Variants in CTR9 observed in about 807,000 individuals in gnomAD.
CTR9 encodes the protein CTR9 component of Paf1/RNA polymerase II complex.
CTR9 carries 41 observed loss-of-function variants against 152.1 expected under a neutral mutation model. That is an observed-to-expected ratio of 0.27 (90% CI 0.21 to 0.35). CTR9 has a LOEUF of 0.35. Ranked by LOEUF, CTR9 falls within the 10% of genes least tolerant of loss-of-function variation. The pLI is 1.00. For missense variants in CTR9, 917 were observed against 1,424.4 expected (o/e 0.64, Z 5.73); for synonymous variants, 476 against 496.2 (o/e 0.96, Z 0.54).
rs778439315 is a variant in CTR9 at position 10,763,511 on chromosome 11, T to C, written c.930T>C (p.Tyr310=). The part of the protein sequence containing the change: ...EVEAMQAESC[Y]QLARSFHVQE... The stretch of plus-strand genomic sequence containing the variant: ...AAGCTATGCAAGCAGAGAGCTGCTA[T>C]CAGCTAGCTAGATCATTCCATGTTC... Residue 310 remains tyrosine, a synonymous_variant, in exon 8 of 25, where the codon TAT becomes TAC. Transcript: ENST00000361367. 2 of 1,610,064 alleles carry C rather than the reference T, an allele frequency of 1.2e-6. No individual in the cohort carries two copies. Among genetic ancestry groups the C allele is most frequent in the Admixed American group, 3.4e-5 (2 of 58,566 alleles).
chr11:10,754,809 A>G, intron 2 of CTR9, 149 bp from the exon 3 acceptor site: 2 of 738,158 alleles, frequency 2.7e-6, no homozygotes, highest in Admixed American at 3.0e-5. Context: ...TGGATACACC[A>G]CAGCTTGTTT....
chr11:10,776,068 A>ATTATTTAT (rs578083587), intron 24 of CTR9, among the ~76,000 whole-genome samples: 1 of 151,938 alleles, frequency 6.6e-6, no homozygotes, highest in Admixed American at 6.6e-5. Context: ...ATTTCTTTTT[A>ATTATTTAT]TTATTTATTT....
rs1326185814 is a variant in CTR9 at position 10,772,607 on chromosome 11, G to A, written c.2532G>A (p.Lys844=). Reference sequence around the variant, plus strand: ...AAGAAGAGCGGGAGCTGCGGGCCAAGCAAGAGCAAGAAAAGGAGCTGTTAA... The same window carrying A: ...AAGAAGAGCGGGAGCTGCGGGCCAAACAAGAGCAAGAAAAGGAGCTGTTAA... The part of the protein sequence containing the change: ...QDEEERELRA[K]QEQEKELLRQ... Residue 844 remains lysine, a synonymous_variant, in exon 20 of 25, where the codon AAG becomes AAA. Coordinates refer to ENST00000361367, the MANE Select transcript of CTR9 (RefSeq NM_014633.5). 16 of 1,611,582 alleles carry A rather than the reference G, an allele frequency of 9.9e-6. No individual in the cohort carries two copies. Among genetic ancestry groups the A allele is most frequent in the Non-Finnish European group, 1.3e-5 (15 of 1,178,816 alleles).
rs941956699 is a variant in CTR9 at position 10,754,896 on chromosome 11, G to T, written c.145-62G>T. ...ACAAATAAAGCTGCTGTAAACATTTGTGTACAACTTTTTATATGGACATAT... is the reference window on the plus strand; with the variant it reads ...ACAAATAAAGCTGCTGTAAACATTTTTGTACAACTTTTTATATGGACATAT... On this transcript the variant is annotated intron_variant, in intron 2 of 24. Transcript: ENST00000361367. 11 of 1,524,820 alleles carry T rather than the reference G, an allele frequency of 7.2e-6. No individual in the cohort carries two copies. In the African/African-American group the frequency reaches 1.3e-4, roughly 17 times the overall value. 94.5% of individuals were successfully genotyped at this position (1,524,820 alleles called of 1,614,324 possible).
At chr11:10,755,236 A>G in intron 3 of CTR9, 39 bp downstream of exon 3, 3 of 1,575,724 alleles carry the variant, frequency 1.9e-6, no homozygotes, top group Non-Finnish European at 2.6e-6. Context: ...TTATGAAGGG[A>G]GAAAAGCACA....
At chr11:10,764,776 C>A in intron 12 of CTR9, 45 bp downstream of exon 12, 1 of 1,468,620 alleles carries the variant, frequency 6.8e-7, no homozygotes, top group South Asian at 1.4e-5. Flanking sequence ...CGTTCATTCC[C>A]ACAAGAGCAG....
At chr11:10,756,931 T>G (rs776558063) in intron 5 of CTR9, 93 bp downstream of exon 5, 3 of 890,010 alleles carry the variant, frequency 3.4e-6, no homozygotes, top group Non-Finnish European at 5.4e-6. Flanking sequence ...TATGAAAAGA[T>G]ATTGTTGGAT....
chr11:10,761,376 T>TGG (rs143592522), intron 6 of CTR9, among the ~76,000 whole-genome samples: 152,082 of 152,254 alleles, frequency 1, 75,955 homozygotes, highest in Middle Eastern at 1. Context: ...TAGCAGGATG[T>TGG]TACCAACCCA....
chr11:10,757,174 C>A (rs1862899067), intron 5 of CTR9, among the ~76,000 whole-genome samples: 1 of 151,978 alleles, frequency 6.6e-6, no homozygotes, highest in Non-Finnish European at 1.5e-5. Context: ...GGTCCCAGCT[C>A]CTTAGGAGGC....
chr11:10,773,897 A>AAG, intron 21 of CTR9, 115 bp from the exon 22 acceptor site: 1 of 746,296 alleles, frequency 1.3e-6, no homozygotes, highest in Non-Finnish European at 2.1e-6. Flanking sequence ...AAAAAAAAAA[A>AAG]AAAAAATCCT....
intron 6 of CTR9, among the ~76,000 whole-genome samples, chr11:10,761,538 A>G (rs1421497194): frequency 6.6e-6 from 1 of 152,136 alleles, no homozygotes; most frequent in African/African-American, 2.4e-5. Flanking sequence ...TGAGCCCAGG[A>G]GGTCAAGGCT....
At chr11:10,771,117 G>A (rs1337963318) in intron 18 of CTR9, among the ~76,000 whole-genome samples, 2 of 152,126 alleles carry the variant, frequency 1.3e-5, no homozygotes, top group Admixed American at 6.5e-5. Context: ...AATTTATTTA[G>A]CCATATAGTA....
chr11:10,773,711 A>G (rs993645630), intron 21 of CTR9, among the ~76,000 whole-genome samples: 1 of 151,934 alleles, frequency 6.6e-6, no homozygotes, highest in African/African-American at 2.4e-5. Context: ...AACATGGTCC[A>G]TGTCTCTACT....
At position 10,755,710 on chromosome 11, in the gene CTR9, A is replaced by G. The variant is rs374392090; in HGVS notation, c.417A>G (p.Leu139=). 1.5e-4 allele frequency: 240 copies of G among 1,613,092 alleles called. No homozygotes were observed. Among genetic ancestry groups the G allele is most frequent in the African/African-American group, 8.8e-4 (66 of 74,902 alleles). ...TGTTGGGAAGAGCCTGCTTCTGCCT[A>G]CTTGAGGGTGACAAAATGGATCAAG... ...NHLLGRACFC[L]LEGDKMDQAD... Residue 139 remains leucine (L), a synonymous_variant, in exon 4 of 25, where the codon CTA becomes CTG. Coordinates refer to ENST00000361367, the MANE Select transcript of CTR9 (RefSeq NM_014633.5).
chr11:10,751,430 C>T lies in CTR9; in HGVS notation c.18C>T (p.Ile6=), dbSNP rs1408641799. Residue 6 remains isoleucine, a synonymous_variant, in exon 1 of 25, where the codon ATC becomes ATT. Coordinates refer to ENST00000361367, the MANE Select transcript of CTR9 (RefSeq NM_014633.5). Reference sequence around the variant, plus strand: ...ACCCCATCATGTCGCGGGGCTCCATCGAGATTCCCCTCCGGGACACTGACG... The same window carrying T: ...ACCCCATCATGTCGCGGGGCTCCATTGAGATTCCCCTCCGGGACACTGACG... The part of the protein sequence containing the change: MSRGS[I]EIPLRDTDEV... 7.4e-6 allele frequency: 12 copies of T among 1,613,766 alleles called. No individual in the cohort carries two copies. Among genetic ancestry groups the T allele is most frequent in the South Asian group, 1.1e-5 (1 of 91,078 alleles).
intron 18 of CTR9, 46 bp downstream of exon 18, chr11:10,770,678 A>G (rs550500894): frequency 6.4e-7 from 1 of 1,555,368 alleles, no homozygotes; most frequent in Admixed American, 1.8e-5. Context: ...TATTTGGTCT[A>G]TGACCATACC....
chr11:10,767,292 G>A lies in CTR9; in HGVS notation c.1687-514G>A, dbSNP rs1225691057. On this transcript the variant is annotated intron_variant, in intron 13 of 24. Coordinates refer to ENST00000361367, the MANE Select transcript of CTR9 (RefSeq NM_014633.5). The surrounding 1 kb of genome is among the most constrained non-coding windows in gnomAD (Gnocchi z 4.0). ...TATTTGCAATACCAAATATAGTTTA[G>A]TATTTTTGCCTGTTAGTGATGGTTC... 1.3e-5 allele frequency: 2 copies of A among 154,718 alleles called. No individual in the cohort carries two copies. The highest frequency in any genetic ancestry group is 4.8e-5 in the African/African-American group (2 of 41,464). The allele number at this position is 154,718 out of a possible 1,614,324, so 9.6% of individuals were successfully genotyped here. A position where few individuals can be genotyped will look rare whatever the true frequency, so the allele number is the denominator to read the frequency against.
At chr11:10,775,781 G>A in intron 24 of CTR9, 148 bp downstream of exon 24, 2 of 518,578 alleles carry the variant, frequency 3.9e-6, no homozygotes, top group Non-Finnish European at 6.6e-6. Context: ...TTGAAAATTG[G>A]AGGAAATAGA....
intron 21 of CTR9, among the ~76,000 whole-genome samples, chr11:10,773,600 C>T (rs557497924): frequency 1.3e-4 from 20 of 152,214 alleles, no homozygotes; most frequent in African/African-American, 4.6e-4. Context: ...AAAGATCCTT[C>T]ATTTGGGCCG....
Sources: allele counts gnomAD v4.1 joint callset (sites outside exome capture counted in the v4.1 genomes callset), GRCh38; gene constraint gnomAD v4.1.1; non-coding constraint Gnocchi (gnomAD v3.1); transcripts MANE v1.5; gene names NCBI Gene and HGNC (gene_info 2026-07-23, HGNC 2026-07-21).